Variants in PCDH15 observed in about 807,000 individuals in gnomAD.
The protein encoded by PCDH15 is protocadherin related 15.
A neutral mutation model predicts 178.5 loss-of-function variants in PCDH15; 129 were observed. The observed-to-expected ratio is 0.72, with a 90% confidence interval of 0.63 to 0.84. The LOEUF is 0.84. Among genes scored for constraint, PCDH15 ranks in the 40% least tolerant of loss-of-function variants. PCDH15 has a pLI of 0.00. For synonymous variants in PCDH15, 800 were observed against 732.0 expected (o/e 1.09, Z -1.50); for missense variants, 2,230 against 2,099.9 (o/e 1.06, Z -1.21).
intron 2 of PCDH15, among the ~76,000 whole-genome samples, chr10:55,358,561 G>A (rs1452022881): frequency 2.0e-5 from 3 of 152,038 alleles, no homozygotes; most frequent in African/African-American, 7.2e-5. Flanking sequence ...GAGTGTAGTT[G>A]TTGTAATAAT....
rs1295705244 is a variant in PCDH15 at position 53,803,154 on chromosome 10, T to C, written c.*3425A>G. 6.6e-6 allele frequency: 1 copy of C among 151,950 alleles called. No homozygotes were observed. The highest frequency in any genetic ancestry group is 1.5e-5 in the Non-Finnish European group (1 of 67,872). 9.4% of individuals were successfully genotyped at this position (151,950 alleles called of 1,614,324 possible). On this transcript the variant is annotated 3_prime_UTR_variant, in exon 38 of 38. Transcript: ENST00000644397. ...CTATAAAATGTGTAAGTCCTCAACA[T>C]TATTTTGAACCTATCCTTCAGCCTT...
chr10:54,141,392 C>T (rs562120484), intron 14 of PCDH15, among the ~76,000 whole-genome samples: 2 of 152,034 alleles, frequency 1.3e-5, no homozygotes, highest in South Asian at 4.1e-4. Context: ...TTTATGAGTT[C>T]TAAACACAAA....
At position 55,273,874 on chromosome 10, in the gene PCDH15, G is replaced by A. The variant is rs968921624; in HGVS notation, c.-156+45725C>T. Among the ~76,000 whole-genome samples, 7 of 152,166 alleles carry A rather than the reference G, an allele frequency of 4.6e-5. No homozygotes were observed. The East Asian group carries it at 7.7e-4, about 17-fold the overall frequency. On this transcript the variant is annotated intron_variant, in intron 1 of 5. Coordinates refer to the PCDH15 transcript ENST00000458638. ...ACAATTTGAAACAACGATTTGGAAA[G>A]TATAAGAATCCAGGCTCAATAACAA...
At chr10:54,273,639 A>C (rs752796054) in intron 8 of PCDH15, among the ~76,000 whole-genome samples, 18 of 152,174 alleles carry the variant, frequency 1.2e-4, no homozygotes, top group Non-Finnish European at 2.2e-4. Context: ...AAGAAAAAAA[A>C]GTCATCAAAC....
intron 2 of PCDH15, among the ~76,000 whole-genome samples, chr10:55,571,201 C>T (rs559549550): frequency 2.6e-5 from 4 of 152,126 alleles, no homozygotes; most frequent in Non-Finnish European, 5.9e-5. Context: ...CTCTCTTTTG[C>T]CATGTGATGC....
At chr10:54,011,552 G>A (rs74134959) in intron 20 of PCDH15, among the ~76,000 whole-genome samples, 14,220 of 152,078 alleles carry the variant, frequency 0.094, 1,861 homozygotes, top group African/African-American at 0.29. Context: ...AAAAGGAGCC[G>A]ACACTTTCAG....
chr10:55,444,186 T>TGATGGGTG (rs1839263355), intron 2 of PCDH15, among the ~76,000 whole-genome samples: 5 of 151,698 alleles, frequency 3.3e-5, no homozygotes, highest in Admixed American at 3.3e-4. Flanking sequence ...CTAATGTAGA[T>TGATGGGTG]GATGGGTGGA....
chr10:53,933,349 C>A (rs11003935), intron 25 of PCDH15, among the ~76,000 whole-genome samples: 12,537 of 150,540 alleles, frequency 0.083, 1,224 homozygotes, highest in East Asian at 0.25. Context: ...AACAGTCCCC[C>A]GTGTGTGATG....
intron 14 of PCDH15, among the ~76,000 whole-genome samples, chr10:54,143,714 A>AG (rs1263064487): frequency 3.9e-5 from 6 of 152,034 alleles, no homozygotes; most frequent in Non-Finnish European, 8.8e-5. Context: ...AATTTTTTAG[A>AG]TCTACTTATA....
chr10:54,102,813 C>G (rs2094836527), intron 15 of PCDH15, among the ~76,000 whole-genome samples: 1 of 152,132 alleles, frequency 6.6e-6, no homozygotes, highest in African/African-American at 2.4e-5. Context: ...CACTGGATAA[C>G]CACTATAAGA....
At chr10:55,169,105 G>A (rs527821413) in intron 1 of PCDH15, among the ~76,000 whole-genome samples, 6 of 151,972 alleles carry the variant, frequency 3.9e-5, no homozygotes, top group East Asian at 1.9e-4. Flanking sequence ...ACCTAATACC[G>A]AAAATAAACA....
intron 3 of PCDH15, among the ~76,000 whole-genome samples, chr10:54,860,598 C>T (rs1351911881): frequency 2.6e-5 from 4 of 152,058 alleles, no homozygotes; most frequent in African/African-American, 7.2e-5. Flanking sequence ...TTGCAAACAG[C>T]GCTATGATGA....
intron 2 of PCDH15, among the ~76,000 whole-genome samples, chr10:54,958,316 G>T (rs1246318697): frequency 1.3e-5 from 2 of 151,570 alleles, no homozygotes; most frequent in African/African-American, 4.8e-5. Context: ...AGAGAAAATT[G>T]GTTTTGTCTT....
At chr10:55,341,809 T>A (rs1448971867) in intron 2 of PCDH15, among the ~76,000 whole-genome samples, 157 of 19,970 alleles carry the variant, frequency 7.9e-3, no homozygotes, top group South Asian at 0.01. Context: ...ATATATATTT[T>A]TTTTTTTTTT....
chr10:54,449,247 A>T (rs1481130189), intron 3 of PCDH15, among the ~76,000 whole-genome samples: 1 of 151,780 alleles, frequency 6.6e-6, no homozygotes, highest in Admixed American at 6.6e-5. Context: ...TTTGCCCTTT[A>T]GTAGGTAATA....
intron 18 of PCDH15, among the ~76,000 whole-genome samples, chr10:54,024,492 T>G (rs1210284882): frequency 6.6e-6 from 1 of 152,176 alleles, no homozygotes; most frequent in African/African-American, 2.4e-5. Context: ...AGAATGGGGA[T>G]GCTGAATATT....
intron 2 of PCDH15, among the ~76,000 whole-genome samples, chr10:55,390,180 CTATT>C (rs1837758564): frequency 2.0e-5 from 3 of 151,852 alleles, no homozygotes; most frequent in African/African-American, 7.3e-5. Flanking sequence ...ATACTGTAGT[CTATT>C]AATTATATAA....
intron 2 of PCDH15, among the ~76,000 whole-genome samples, chr10:55,389,789 T>C (rs1837749896): frequency 6.6e-6 from 1 of 152,114 alleles, no homozygotes; most frequent in African/African-American, 2.4e-5. Context: ...GTCCTATCTT[T>C]GAAGCTCTAG....
chr10:54,895,085 A>G (rs981688395), intron 3 of PCDH15, among the ~76,000 whole-genome samples: 2 of 152,208 alleles, frequency 1.3e-5, no homozygotes, highest in African/African-American at 4.8e-5. Context: ...TATGGGACAC[A>G]CATAAAAATA....
Sources: gnomAD v4.1 joint callset for allele counts (sites outside exome capture counted in the v4.1 genomes callset) on GRCh38, gnomAD v4.1.1 for gene constraint, MANE v1.5 for transcripts, NCBI Gene and HGNC (gene_info 2026-07-23, HGNC 2026-07-21) for gene names.